The following BTAF1 variants were observed in gnomAD, a reference collection of about 807,000 sequenced individuals.
BTAF1 encodes the protein TATA-binding protein-associated factor 172.
A neutral mutation model predicts 227.1 loss-of-function variants in BTAF1; 38 were observed. The observed-to-expected ratio is 0.17, with a 90% CI of 0.13 to 0.22. The LOEUF (loss-of-function observed/expected upper bound fraction) is 0.22. Ranked by LOEUF, BTAF1 falls within the 10% of genes least tolerant of loss-of-function variation. The pLI, the probability that BTAF1 is intolerant of heterozygous loss-of-function variation, is 1.00. For synonymous variants in BTAF1, 742 were observed against 751.9 expected (o/e 0.99, Z 0.21); for missense variants, 1,598 against 2,204.0 (o/e 0.73, Z 5.51).
intron 37 of BTAF1, among the ~76,000 whole-genome samples, chr10:92,028,573 TTGTTA>T (rs954869272): frequency 6.6e-6 from 1 of 152,232 alleles, no homozygotes; most frequent in African/African-American, 2.4e-5. Flanking sequence ...AATAAGTTCT[TTGTTA>T]TGTTCTTATA....
At chr10:91,994,690 G>A (rs752550848) in intron 23 of BTAF1, 46 bp downstream of exon 23, 1 of 1,493,264 alleles carries the variant, frequency 6.7e-7, no homozygotes, top group Non-Finnish European at 9.3e-7. Context: ...TAAAACAAGT[G>A]GTCTTATTAA....
chr10:91,957,145 A>C, intron 7 of BTAF1, 80 bp from the exon 8 acceptor site: 4 of 1,216,444 alleles, frequency 3.3e-6, no homozygotes, highest in Non-Finnish European at 1.2e-6. Context: ...AGACCTAGAA[A>C]TAAAATTTAT....
Position 92,028,919 on chromosome 10 carries a change from C to T in BTAF1, c.5536C>T (p.His1846Tyr), listed in dbSNP as rs771064374. 6 of 1,585,702 alleles carry T rather than the reference C, an allele frequency of 3.8e-6. No individual in the cohort carries two copies. The East Asian group carries it at 6.8e-5, about 18-fold the overall frequency. Residue 1846 changes from histidine (H) to tyrosine (Y), a missense_variant, in exon 38 of 38, where the codon CAT (histidine) becomes TAT (tyrosine). His to Tyr is a moderately conservative substitution (Grantham distance 83). Coordinates refer to ENST00000265990, the MANE Select transcript of BTAF1 (RefSeq NM_003972.3). ...DSEYSLENFM[H>Y]SLK The stretch of plus-strand genomic sequence containing the variant: ...AGAGTACAGCCTGGAAAATTTTATG[C>T]ATTCTCTCAAGTAACTATCAAATAT...
rs781068119 is a variant in BTAF1 at position 91,997,697 on chromosome 10, G to A, written c.3606G>A (p.Val1202=). 5 of 1,614,078 alleles carry A rather than the reference G, an allele frequency of 3.1e-6. No homozygotes were observed. The highest frequency in any genetic ancestry group is 4.2e-6 in the Non-Finnish European group (5 of 1,180,014). ...GAATGAGTGATCAGACAGACAGTGT[G>A]AGATTCATGGCCACGCAGTGCTTTG... is the stretch of plus-strand genomic sequence containing the variant. The part of the protein sequence containing the change: ...LGRMSDQTDS[V]RFMATQCFAT... The change falls in exon 25 of 38, where the codon GTG becomes GTA. Residue 1202 remains valine (V), a synonymous_variant. Coordinates refer to ENST00000265990, the MANE Select transcript of BTAF1 (RefSeq NM_003972.3).
At position 91,989,596 on chromosome 10, in the gene BTAF1, T is replaced by G; in HGVS notation, c.2854+16T>G. ...AATTCTAAAGGTATATACCTAAACT[T>G]TTATTTGGGGTAGAGAAATAACCTT... On this transcript the variant is annotated intron_variant, in intron 20 of 37. Transcript: ENST00000265990. 1 of 1,555,558 alleles carries G rather than the reference T, an allele frequency of 6.4e-7. No homozygotes were observed. The highest frequency in any genetic ancestry group is 8.7e-7 in the Non-Finnish European group (1 of 1,155,198).
chr10:91,984,622 A>C (rs1360985850), intron 19 of BTAF1, among the ~76,000 whole-genome samples: 1 of 152,186 alleles, frequency 6.6e-6, no homozygotes, highest in Non-Finnish European at 1.5e-5. Context: ...AAATTCTGAT[A>C]AATCAATGCA....
chr10:91,940,064 A>G lies in BTAF1; in HGVS notation c.251A>G (p.Gln84Arg). ...TGGAATCCAGTGCCGAGAACCAGAC[A>G]AGGTGCTTTTAAGTGGAGAAAGTAG... ...PEWNPVPRTR[Q>R]EPTSESSMED... Residue 84 changes from glutamine (Q) to arginine (R), a missense_variant and splice_region_variant, in exon 3 of 38, where the codon CAA becomes CGA. By Grantham distance (43) the Gln-to-Arg change is conservative. Around this residue, in one of 10 missense-constraint regions of BTAF1, gnomAD observed 298 missense variants for 395.2 expected, o/e 0.75. Transcript: ENST00000265990. The G allele has an allele frequency of 2.5e-6, 4 of 1,603,922 alleles. No individual in the cohort carries two copies. Among genetic ancestry groups the G allele is most frequent in the Non-Finnish European group, 2.6e-6 (3 of 1,172,040 alleles).
Position 91,988,244 on chromosome 10 carries a change from A to G in BTAF1, c.2428-910A>G, listed in dbSNP as rs1848536714. Among the ~76,000 whole-genome samples the G allele has an allele frequency of 6.6e-5, 10 of 152,318 alleles. No homozygotes were observed. In the South Asian group the frequency reaches 1.9e-3, roughly 28 times the overall value. ...CATTTTTTGAGCATATTAAGACATTATATCTTATTTATCTTTTAATAAATA... is the reference window on the plus strand; with the variant it reads ...CATTTTTTGAGCATATTAAGACATTGTATCTTATTTATCTTTTAATAAATA... On this transcript the variant is annotated intron_variant, in intron 19 of 37. Coordinates refer to ENST00000265990, the MANE Select transcript of BTAF1 (RefSeq NM_003972.3).
rs554138627 is a variant in BTAF1 at position 91,963,975 on chromosome 10, C to T, written c.1405-102C>T. ...ACACCGTCCAAGGTCATTGGAATTG[C>T]ATGTGTTGTTGAATCAGTAGTGACC... is the stretch of plus-strand genomic sequence containing the variant. On this transcript the variant is annotated intron_variant, in intron 12 of 37. Transcript: ENST00000265990. 1.2e-5 allele frequency: 15 copies of T among 1,257,672 alleles called. No individual in the cohort carries two copies. In the African/African-American group the frequency reaches 2.1e-4, roughly 18 times the overall value. 77.9% of individuals were successfully genotyped at this position (1,257,672 alleles called of 1,614,324 possible).
At chr10:91,942,371 A>G in intron 3 of BTAF1, 51 bp from the exon 4 acceptor site, 1 of 1,524,192 alleles carries the variant, frequency 6.6e-7, no homozygotes, top group Non-Finnish European at 9.0e-7. Context: ...ATTTTCTTTC[A>G]TTCCACACTT....
intron 34 of BTAF1, among the ~76,000 whole-genome samples, chr10:92,022,815 C>T (rs1054529956): frequency 5.3e-5 from 8 of 152,100 alleles, no homozygotes; most frequent in East Asian, 1.9e-4. Flanking sequence ...GTAATTTGAT[C>T]GCAGATTTAA....
intron 25 of BTAF1, among the ~76,000 whole-genome samples, chr10:92,001,093 C>T (rs957440818): frequency 2.0e-5 from 3 of 152,194 alleles, no homozygotes; most frequent in Non-Finnish European, 2.9e-5. Flanking sequence ...CAACAGGCAG[C>T]ACTGGATAGT....
At chr10:92,004,184 C>T (rs1175010340) in intron 25 of BTAF1, among the ~76,000 whole-genome samples, 1 of 152,094 alleles carries the variant, frequency 6.6e-6, no homozygotes, top group African/African-American at 2.4e-5. Flanking sequence ...TTGGTTGTCT[C>T]TTCAGTCCGT....
chr10:91,991,271 A>ATATATATAAATATATATATATATATATAT lies in BTAF1; in HGVS notation c.2855-848_2855-847insTATATATAAATATATATATATATATATAT, dbSNP rs1564699914. On this transcript the variant is annotated intron_variant, in intron 20 of 37. Coordinates refer to ENST00000265990, the MANE Select transcript of BTAF1 (RefSeq NM_003972.3). ...AAAAAAATATATAAATATAAATATA[A>ATATATATAAATATATATATATATATATAT]ATATATATATATATATATATAAATT... Among the ~76,000 whole-genome samples the ATATATATAAATATATATATATATATATAT allele has an allele frequency of 6.0e-5, 4 of 66,232 alleles. No homozygotes were observed. In the South Asian group the frequency reaches 2.3e-3, roughly 39 times the overall value. 43.5% of individuals were successfully genotyped at this position (66,232 alleles called of 152,430 possible).
chr10:91,932,828 GC>G (rs374278293), intron 1 of BTAF1, among the ~76,000 whole-genome samples: 52 of 152,348 alleles, frequency 3.4e-4, no homozygotes, highest in African/African-American at 1.2e-3. Flanking sequence ...TTATTTGTTT[GC>G]TGTAGCACAT....
intron 1 of BTAF1, among the ~76,000 whole-genome samples, chr10:91,930,316 G>A (rs1844187501): frequency 6.6e-6 from 1 of 152,148 alleles, no homozygotes; most frequent in Non-Finnish European, 1.5e-5. Context: ...GAAGGAAATA[G>A]CATAGCTTGG....
intron 11 of BTAF1, 64 bp downstream of exon 11, chr10:91,960,218 C>T: frequency 6.7e-7 from 1 of 1,495,070 alleles, no homozygotes; most frequent in Non-Finnish European, 9.0e-7. Flanking sequence ...TTTATTTTCA[C>T]TAATTAGACG....
chr10:91,957,163 C>G (rs1002423089), intron 7 of BTAF1, 62 bp from the exon 8 acceptor site: 4 of 1,357,584 alleles, frequency 2.9e-6, no homozygotes, highest in Non-Finnish European at 1.0e-6. Flanking sequence ...TATTAAGTTA[C>G]TTAAATTGTT....
intron 32 of BTAF1, 45 bp downstream of exon 32, chr10:92,014,074 C>G (rs781301417): frequency 1.3e-6 from 2 of 1,572,882 alleles, no homozygotes; most frequent in South Asian, 1.2e-5. Context: ...TGTTTATTAG[C>G]AGATTGTTTT....
Sources: allele counts gnomAD v4.1 joint callset (sites outside exome capture counted in the v4.1 genomes callset), GRCh38; gene constraint gnomAD v4.1.1; regional missense constraint gnomAD v4.1.1; transcripts MANE v1.5; gene names NCBI Gene and HGNC (gene_info 2026-07-23, HGNC 2026-07-21).